EEF2K: variants seen among roughly 807,000 people sequenced by gnomAD.
EEF2K encodes alternative protein EEF2K.
Under a neutral mutation model 93.8 loss-of-function variants are expected in EEF2K, and 70 were observed. The ratio of observed to expected loss-of-function variants is 0.75; its 90% CI spans 0.62 to 0.91. EEF2K has a LOEUF of 0.91. Ranked by LOEUF, EEF2K falls within the 40% of genes least tolerant of loss-of-function variation. EEF2K has a pLI of 0.00. For synonymous variants in EEF2K, 376 were observed against 380.8 expected (o/e 0.99, Z 0.15); for missense variants, 935 against 972.9 (o/e 0.96, Z 0.52).
rs1186211637 is a variant in EEF2K, at chr16:22,224,105, A to C, written c.-76-1549A>C. ...GCCTGTAATCCCAGCTACTCAGGAGACTGAGGCAGGAGAATTGCTTGAACT... is the reference window on the plus strand; with the variant it reads ...GCCTGTAATCCCAGCTACTCAGGAGCCTGAGGCAGGAGAATTGCTTGAACT... On this transcript the variant is annotated intron_variant, in intron 1 of 17. Transcript: ENST00000263026. 2.0e-5 allele frequency among the ~76,000 whole-genome samples: 3 copies of C among 151,968 alleles called. No individual in the cohort carries two copies. The East Asian group carries it at 5.8e-4, about 29-fold the overall frequency.
chr16:22,235,661 C>T (rs1324147056), intron 2 of EEF2K, among the ~76,000 whole-genome samples: 1 of 152,120 alleles, frequency 6.6e-6, no homozygotes, highest in African/African-American at 2.4e-5. Flanking sequence ...CCACGCCTGA[C>T]TAATTTTGCA....
chr16:22,211,948 T>C (rs1396220113), intron 1 of EEF2K, among the ~76,000 whole-genome samples: 1 of 148,600 alleles, frequency 6.7e-6, no homozygotes, highest in African/African-American at 2.5e-5. Flanking sequence ...ACTCACATGG[T>C]CTGGCCACCG....
At chr16:22,258,943 A>G in intron 10 of EEF2K, 1 of 425,518 alleles carries the variant, frequency 2.4e-6, no homozygotes. Flanking sequence ...AGCAAAACCT[A>G]TATAATAAAT....
Position 22,251,158 on chromosome 16 carries a change from C to G in EEF2K, c.454C>G (p.Leu152Val), listed in dbSNP as rs772138145. ...AMRECFRTKK[L>V]SNFLHAQQWK... ...TGTTGCCTCTTCCCACAGGAAGAAG[C>G]TCTCCAACTTCTTGCATGCCCAGCA... The change falls in exon 6 of 18, where the codon CTC (leucine) becomes GTC (valine). Residue 152 changes from leucine to valine, a missense_variant. Transcript: ENST00000263026. The G allele has an allele frequency of 1.9e-6, 3 of 1,613,666 alleles. No homozygotes were observed. Among genetic ancestry groups the G allele is most frequent in the Admixed American group, 1.7e-5 (1 of 59,980 alleles).
At chr16:22,220,239 C>G (rs1028219213) in intron 1 of EEF2K, among the ~76,000 whole-genome samples, 7 of 152,326 alleles carry the variant, frequency 4.6e-5, no homozygotes, top group Admixed American at 1.3e-4. Flanking sequence ...TATCAAGTGC[C>G]TGCTGTGTAC....
At chr16:22,257,582 C>G (rs1274545856) in intron 8 of EEF2K, 61 bp from the exon 9 acceptor site, 6 of 1,592,862 alleles carry the variant, frequency 3.8e-6, no homozygotes, top group East Asian at 2.2e-5. Flanking sequence ...TGAGGCCCAC[C>G]ACTGCCTGTC....
chr16:22,277,112 A>G (rs2141687357), intron 16 of EEF2K, among the ~76,000 whole-genome samples: 1 of 152,260 alleles, frequency 6.6e-6, no homozygotes, highest in South Asian at 2.1e-4. Context: ...TAATTTTCAA[A>G]TGGTCCATTT....
chr16:22,252,650 G>A (rs2047362569), intron 6 of EEF2K, among the ~76,000 whole-genome samples: 4 of 152,166 alleles, frequency 2.6e-5, no homozygotes, highest in Admixed American at 2.0e-4. Context: ...AAAAGCGGAA[G>A]AAAGAGCTGG....
chr16:22,260,351 A>T (rs899067205), intron 10 of EEF2K, 111 bp from the exon 11 acceptor site: 25 of 164,414 alleles, frequency 1.5e-4, no homozygotes, highest in South Asian at 7.7e-4. Flanking sequence ...TTTAAAGCTT[A>T]AAAAAAAAAA....
intron 2 of EEF2K, among the ~76,000 whole-genome samples, chr16:22,242,599 A>T (rs2047234451): frequency 6.6e-6 from 1 of 151,824 alleles, no homozygotes; most frequent in Non-Finnish European, 1.5e-5. Context: ...GGCGTGAGCC[A>T]CCATGCCTGG....
At chr16:22,276,569 G>A (rs927453769) in intron 16 of EEF2K, among the ~76,000 whole-genome samples, 1 of 152,126 alleles carries the variant, frequency 6.6e-6, no homozygotes, top group Non-Finnish European at 1.5e-5. Flanking sequence ...TATCCAATAG[G>A]CGAAGGAGAA....
chr16:22,248,928 T>A, intron 4 of EEF2K, 113 bp downstream of exon 4: 1 of 1,100,172 alleles, frequency 9.1e-7, no homozygotes, highest in South Asian at 1.5e-5. Flanking sequence ...TTTTGTAACT[T>A]CGGGGGATTC....
chr16:22,216,279 A>G (rs1598160899), intron 1 of EEF2K, among the ~76,000 whole-genome samples: 1 of 152,208 alleles, frequency 6.6e-6, no homozygotes, highest in East Asian at 1.9e-4. Context: ...CCGCTCCCTT[A>G]AGGTTGCCTT....
At chr16:22,239,704 G>A (rs756857544) in intron 2 of EEF2K, among the ~76,000 whole-genome samples, 8 of 152,200 alleles carry the variant, frequency 5.3e-5, no homozygotes, top group East Asian at 1.9e-4. Context: ...CCAGCTATTC[G>A]GGAAGCTGAA....
rs1259447747 is a variant in EEF2K at position 22,287,897 on chromosome 16, T to C, written c.*3901T>C. The C allele has an allele frequency of 6.6e-6, 1 of 152,084 alleles. No homozygotes were observed. The highest frequency in any genetic ancestry group is 1.5e-5 in the Non-Finnish European group (1 of 68,056). The allele number at this position is 152,084 out of a possible 1,614,324, so 9.4% of individuals were successfully genotyped here. A position where few individuals can be genotyped will look rare whatever the true frequency, so the allele number is the denominator to read the frequency against. Reference sequence around the variant, plus strand: ...AGTGCAGTGGCATGATCATAACTCATTGTAGGCTCAACCTCCTGGGCCCCA... The same window carrying C: ...AGTGCAGTGGCATGATCATAACTCACTGTAGGCTCAACCTCCTGGGCCCCA... On this transcript the variant is annotated 3_prime_UTR_variant, in exon 18 of 18. Transcript: ENST00000263026.
intron 1 of EEF2K, among the ~76,000 whole-genome samples, 187 bp downstream of exon 1, chr16:22,206,866 C>T (rs1350137490): frequency 1.3e-5 from 2 of 152,176 alleles, no homozygotes; most frequent in Non-Finnish European, 2.9e-5. Context: ...GGGCTAAGTG[C>T]TTGCTTTGGA....
intron 11 of EEF2K, 76 bp from the exon 12 acceptor site, chr16:22,263,033 TG>T: frequency 7.4e-7 from 1 of 1,355,138 alleles, no homozygotes; most frequent in Non-Finnish European, 1.0e-6. Context: ...AGCTAACAGT[TG>T]GGGTGTTGAG....
rs1329398386 is a variant in EEF2K, at chr16:22,266,438, C to T, written c.1489C>T (p.Pro497Ser). Reference protein sequence around the residue: ...NLLNSSRLHLPRASAVALEVQ... With the variant: ...NLLNSSRLHLSRASAVALEVQ... ...CCTCAACTCCTCCCGCCTCCACCTG[C>T]CGAGGGCTTCGGCCGTGGCCCTGGA... The change falls in exon 14 of 18, where the codon CCG (proline) becomes TCG (serine). Residue 497 changes from proline to serine, a missense_variant. By Grantham distance (74) the Pro-to-Ser change is moderately conservative (BLOSUM62 -1). Coordinates refer to ENST00000263026, the MANE Select transcript of EEF2K (RefSeq NM_013302.5). 6.2e-7 allele frequency: 1 copy of T among 1,614,192 alleles called. No homozygotes were observed. The highest frequency in any genetic ancestry group is 1.1e-5 in the South Asian group (1 of 91,086).
intron 1 of EEF2K, among the ~76,000 whole-genome samples, chr16:22,213,259 G>A (rs1204185578): frequency 2.6e-5 from 4 of 152,286 alleles, no homozygotes; most frequent in African/African-American, 7.2e-5. Context: ...CAGCCTGGGC[G>A]ACAGAGTGAG....
Sources: gnomAD v4.1 joint callset for allele counts (sites outside exome capture counted in the v4.1 genomes callset) on GRCh38, gnomAD v4.1.1 for gene constraint, MANE v1.5 for transcripts, NCBI Gene and HGNC (gene_info 2026-07-23, HGNC 2026-07-21) for gene names.